The following EVC2 variants were observed in gnomAD, a reference collection of about 807,000 sequenced individuals.
EVC2 encodes the protein limbin.
EVC2 carries 148 observed loss-of-function variants against 149.3 expected under a neutral mutation model. The ratio of observed to expected loss-of-function variants is 0.99; its 90% CI spans 0.87 to 1.14. The LOEUF is 1.14. EVC2 is among the 50% of genes most tolerant of loss of function. The pLI is 0.00. For synonymous variants in EVC2, 776 were observed against 649.9 expected (o/e 1.19, Z -2.95); for missense variants, 1,854 against 1,627.3 (o/e 1.14, Z -2.40).
At chr4:5,609,513 C>A (rs1474150654) in intron 16 of EVC2, among the ~76,000 whole-genome samples, 1 of 152,190 alleles carries the variant, frequency 6.6e-6, no homozygotes. Flanking sequence ...TCACAGATGA[C>A]AAATGCCTCG....
At chr4:5,559,339 G>T (rs548954038), downstream of EVC2, among the ~76,000 whole-genome samples, 1 of 152,220 alleles carries the variant, frequency 6.6e-6, no homozygotes, top group East Asian at 1.9e-4. The surrounding 1 kb of genome is among the most constrained non-coding windows in gnomAD (Gnocchi z 5.0). Context: ...AAATATTAAC[G>T]GACATGTGTA....
At chr4:5,585,412 C>T (rs1191047174) in intron 16 of EVC2, among the ~76,000 whole-genome samples, 1 of 152,160 alleles carries the variant, frequency 6.6e-6, no homozygotes, top group Non-Finnish European at 1.5e-5. Context: ...TCTATAGTTT[C>T]CACGGAAGCG....
In EVC2 at chr4:5,635,811, C is replaced by T. The variant is rs114030491; in HGVS notation, c.1471-3779G>A. On this transcript the variant is annotated intron_variant, in intron 10 of 21. Transcript: ENST00000344408. ...TCTGCTGGGCCTCCTCTTTCAGTGG[C>T]AGAAAAGCAGCGGGGAGAGCCTGGG... Among the ~76,000 whole-genome samples, 536 of 152,264 alleles carry T rather than the reference C, an allele frequency of 3.5e-3. 4 individuals are homozygous for T. Among genetic ancestry groups the T allele is most frequent in the African/African-American group, 0.012 (508 of 41,534 alleles).
intron 16 of EVC2, among the ~76,000 whole-genome samples, chr4:5,597,500 T>G (rs1391161557): frequency 5.3e-5 from 8 of 150,900 alleles, no homozygotes; most frequent in South Asian, 4.2e-4. Flanking sequence ...AGAAAAGGCC[T>G]TTGACAAAAT....
intron 1 of EVC2, among the ~76,000 whole-genome samples, chr4:5,703,181 T>C (rs189031159): frequency 1.3e-5 from 2 of 152,350 alleles, no homozygotes; most frequent in Non-Finnish European, 2.9e-5. Context: ...AGTGCTTCTT[T>C]TTGCTTAAAG....
intron 9 of EVC2, among the ~76,000 whole-genome samples, chr4:5,662,713 TCAATAATTATC>T (rs534176949): frequency 1.8e-4 from 26 of 148,222 alleles, no homozygotes; most frequent in African/African-American, 6.4e-4. Context: ...TAATAATTAT[TCAATAATTATC>T]CAATAATTAT....
At chr4:5,601,625 A>T (rs1158541596) in intron 16 of EVC2, among the ~76,000 whole-genome samples, 1 of 152,186 alleles carries the variant, frequency 6.6e-6, no homozygotes, top group East Asian at 1.9e-4. Flanking sequence ...ATTCAGGAAA[A>T]TTTCCCAGAC....
chr4:5,652,732 A>T (rs1053045293), intron 9 of EVC2, among the ~76,000 whole-genome samples: 3 of 152,228 alleles, frequency 2.0e-5, no homozygotes, highest in Admixed American at 2.0e-4. Context: ...TCATTGGGGT[A>T]CTCTGCTGTC....
Position 5,708,267 on chromosome 4 carries a change from G to A in EVC2, c.228+19C>T. On this transcript the variant is annotated intron_variant, in intron 1 of 21. Transcript: ENST00000344408. ...AACCACTACAGTCAGACCGGAGCCTGGGGTCGGGCCCTCCTTACCTGCGTG... is the reference window on the plus strand; with the variant it reads ...AACCACTACAGTCAGACCGGAGCCTAGGGTCGGGCCCTCCTTACCTGCGTG... 6.8e-7 allele frequency: 1 copy of A among 1,472,876 alleles called. No individual in the cohort carries two copies. The highest frequency in any genetic ancestry group is 8.9e-7 in the Non-Finnish European group (1 of 1,117,640). 91.2% of individuals were successfully genotyped at this position (1,472,876 alleles called of 1,614,324 possible).
chr4:5,540,404 T>A (rs189355161), downstream of EVC2, among the ~76,000 whole-genome samples: 2 of 152,366 alleles, frequency 1.3e-5, 1 homozygote, highest in East Asian at 3.9e-4. Flanking sequence ...TTATTTGTAA[T>A]GGCTGCAACC....
At chr4:5,681,679 G>C (rs1261515846) in intron 6 of EVC2, among the ~76,000 whole-genome samples, 2 of 152,158 alleles carry the variant, frequency 1.3e-5, no homozygotes, top group Non-Finnish European at 2.9e-5. Context: ...GGAATCCTGG[G>C]CTCTGACTGC....
chr4:5,696,498 C>A lies in EVC2; in HGVS notation c.283+1095G>T, dbSNP rs1721486917. 6.6e-6 allele frequency among the ~76,000 whole-genome samples: 1 copy of A among 152,192 alleles called. No homozygotes were observed. The highest frequency in any genetic ancestry group is 2.1e-4 in the South Asian group (1 of 4,828). Reference sequence around the variant, plus strand: ...GGACAGGCCGGGGACCCACGCTGAGCCCAGGGGCCTGCACTGGAACTGTCA... The same window carrying A: ...GGACAGGCCGGGGACCCACGCTGAGACCAGGGGCCTGCACTGGAACTGTCA... On this transcript the variant is annotated intron_variant, in intron 2 of 21. Coordinates refer to ENST00000344408, the MANE Select transcript of EVC2 (RefSeq NM_147127.5). The surrounding 1 kb of genome is among the most constrained non-coding windows in gnomAD (Gnocchi z 4.1).
intron 9 of EVC2, among the ~76,000 whole-genome samples, chr4:5,642,916 A>G (rs1717441334): frequency 6.6e-6 from 1 of 152,246 alleles, no homozygotes; most frequent in Non-Finnish European, 1.5e-5. Flanking sequence ...ATGTTTGAGC[A>G]ATTTAAAGCA....
rs1046919542 is a variant in EVC2, at chr4:5,657,583, C to T, written c.1145+5524G>A. Among the ~76,000 whole-genome samples the T allele has an allele frequency of 4.6e-5, 7 of 151,916 alleles. No homozygotes were observed. Among genetic ancestry groups the T allele is most frequent in the Non-Finnish European group, 8.8e-5 (6 of 68,002 alleles). The stretch of plus-strand genomic sequence containing the variant: ...TATAGCCTCAAATTTTCTCTGCAGG[C>T]GACTTTCCACCAAGAACACCATTGT... On this transcript the variant is annotated intron_variant, in intron 9 of 21. Transcript: ENST00000344408. This position sits in a 1 kb window ranked among gnomAD's most constrained non-coding sequence, Gnocchi z 4.7.
At chr4:5,615,686 A>G in intron 15 of EVC2, 142 bp from the exon 16 acceptor site, 1 of 1,217,436 alleles carries the variant, frequency 8.2e-7, no homozygotes, top group Admixed American at 1.7e-5. Flanking sequence ...AGAGGGGAGG[A>G]GAGAGGTATG....
At chr4:5,602,962 G>A (rs1432258776) in intron 16 of EVC2, among the ~76,000 whole-genome samples, 1 of 152,202 alleles carries the variant, frequency 6.6e-6, no homozygotes, top group Non-Finnish European at 1.5e-5. Context: ...ATGTGTGTGT[G>A]TGTGCATGGC....
chr4:5,557,092 A>G (rs1223742714), intron 21 of EVC2, among the ~76,000 whole-genome samples: 1 of 152,126 alleles, frequency 6.6e-6, no homozygotes, highest in Non-Finnish European at 1.5e-5. Context: ...TATAACTGTA[A>G]TATAAAAAAC....
intron 17 of EVC2, among the ~76,000 whole-genome samples, chr4:5,582,460 T>C (rs144078377): frequency 1.4e-4 from 21 of 152,334 alleles, no homozygotes; most frequent in African/African-American, 4.3e-4. Context: ...TTTTGGCCAA[T>C]TTCTCCTTTT....
At chr4:5,706,341 C>CATAGATACATACATAGATACATAG (rs1722142591) in intron 1 of EVC2, among the ~76,000 whole-genome samples, 4 of 10,914 alleles carry the variant, frequency 3.7e-4, no homozygotes, top group Admixed American at 1.1e-3. Flanking sequence ...TAGATAGATA[C>CATAGATACATACATAGATACATAG]ATAGATAGAT....
Sources: allele counts gnomAD v4.1 joint callset (sites outside exome capture counted in the v4.1 genomes callset), GRCh38; gene constraint gnomAD v4.1.1; non-coding constraint Gnocchi (gnomAD v3.1); transcripts MANE v1.5; gene names NCBI Gene and HGNC (gene_info 2026-07-23, HGNC 2026-07-21).